Variants in KAZN observed in about 807,000 individuals in gnomAD.
KAZN encodes kazrin, periplakin interacting protein.
A neutral mutation model predicts 87.4 loss-of-function variants in KAZN; 40 were observed. The ratio of observed to expected loss-of-function variants is 0.46; its 90% confidence interval spans 0.36 to 0.60. The LOEUF (loss-of-function observed/expected upper bound fraction) is 0.60. Ranked by LOEUF, KAZN falls within the 20% of genes least tolerant of loss-of-function variation. KAZN has a pLI of 0.00. For missense variants in KAZN, 898 were observed against 1,073.9 expected (o/e 0.84, Z 2.29); for synonymous variants, 466 against 458.3 (o/e 1.02, Z -0.22).
chr1:14,473,809 A>T (rs2486773), intron 2 of KAZN, among the ~76,000 whole-genome samples: 1 of 152,090 alleles, frequency 6.6e-6, no homozygotes, highest in Non-Finnish European at 1.5e-5. Context: ...TGTGTCTACC[A>T]CAGGGCCTTT....
intron 1 of KAZN, among the ~76,000 whole-genome samples, chr1:13,923,325 G>A (rs936991608): frequency 6.6e-6 from 1 of 152,088 alleles, no homozygotes. Context: ...TGTAATCCCA[G>A]CACTTTGGGA....
chr1:14,707,554 C>T (rs1297123997), intron 1 of KAZN, among the ~76,000 whole-genome samples: 1 of 152,148 alleles, frequency 6.6e-6, no homozygotes, highest in Non-Finnish European at 1.5e-5. Flanking sequence ...TCTTTATTTC[C>T]TTTCATTTCC....
At chr1:14,001,536 A>G (rs12129911) in intron 1 of KAZN, among the ~76,000 whole-genome samples, 22,046 of 152,086 alleles carry the variant, frequency 0.14, 1,686 homozygotes, top group Middle Eastern at 0.22. Context: ...AGAAGACCCC[A>G]TATAGCCAAG....
chr1:15,068,608 TAGAG>T (rs1374304349), intron 8 of KAZN, among the ~76,000 whole-genome samples: 2 of 151,510 alleles, frequency 1.3e-5, no homozygotes, highest in African/African-American at 2.4e-5. Flanking sequence ...TTCAGGGAGA[TAGAG>T]AGGGAGCCAC....
At chr1:13,983,215 G>T (rs12121969) in intron 1 of KAZN, among the ~76,000 whole-genome samples, 20,930 of 152,274 alleles carry the variant, frequency 0.14, 1,573 homozygotes, top group Middle Eastern at 0.2. Context: ...GGAGCAAGGG[G>T]TGGCGCTCGT....
Position 14,396,183 on chromosome 1 carries a change from A to G in KAZN, c.250-202800A>G, listed in dbSNP as rs546317454. On this transcript the variant is annotated intron_variant, in intron 2 of 16. Transcript: ENST00000636203. ...GACTCCGTCTCAAAAAAAAAAAAAAAACTGCAACAAATAAAGCAAAACAAG... is the reference window on the plus strand; with the variant it reads ...GACTCCGTCTCAAAAAAAAAAAAAAGACTGCAACAAATAAAGCAAAACAAG... 1.6e-3 allele frequency among the ~76,000 whole-genome samples: 247 copies of G among 151,738 alleles called. 3 individuals carry two copies. Among genetic ancestry groups the G allele is most frequent in the African/African-American group, 5.8e-3 (239 of 41,350 alleles).
intron 1 of KAZN, among the ~76,000 whole-genome samples, chr1:13,935,900 G>GTGTGTA (rs60444554): frequency 0.09 from 12,785 of 141,382 alleles, 1,412 homozygotes; most frequent in Admixed American, 0.23. Context: ...GTGTGTGTGT[G>GTGTGTA]TAGAATCAGA....
At chr1:15,087,399 C>CCTTTTT (rs398102463) in intron 8 of KAZN, among the ~76,000 whole-genome samples, 2 of 108,386 alleles carry the variant, frequency 1.8e-5, no homozygotes, top group Non-Finnish European at 2.2e-5. Flanking sequence ...GCACTTTTTT[C>CCTTTTT]TTTTTTTTTT....
intron 2 of KAZN, among the ~76,000 whole-genome samples, chr1:14,308,313 G>A (rs1283970595): frequency 6.6e-6 from 1 of 152,102 alleles, no homozygotes; most frequent in African/African-American, 2.4e-5. Flanking sequence ...TAACTATTGA[G>A]ATTATATAGG....
chr1:14,977,289 G>A (rs186211320), intron 2 of KAZN, among the ~76,000 whole-genome samples: 8 of 152,328 alleles, frequency 5.3e-5, no homozygotes, highest in Admixed American at 1.3e-4. Flanking sequence ...AAAGAGGGAC[G>A]TAGTAGGGAC....
intron 1 of KAZN, among the ~76,000 whole-genome samples, chr1:14,103,433 G>C (rs1354393366): frequency 6.6e-6 from 1 of 152,208 alleles, no homozygotes; most frequent in African/African-American, 2.4e-5. Context: ...AAGTTTAGCA[G>C]CTTAAATAAC....
intron 2 of KAZN, among the ~76,000 whole-genome samples, chr1:14,982,756 C>A (rs1666389652): frequency 6.6e-6 from 1 of 152,178 alleles, no homozygotes; most frequent in South Asian, 2.1e-4. Context: ...GATCCAGGCC[C>A]CTGTGTCAGC....
At chr1:15,103,122 C>T (rs1482356995) in intron 11 of KAZN, among the ~76,000 whole-genome samples, 3 of 152,224 alleles carry the variant, frequency 2.0e-5, no homozygotes, top group African/African-American at 7.2e-5. Flanking sequence ...AAGAAAGCAG[C>T]CCGGTGTGGT....
rs568790028 is a variant in KAZN, at chr1:14,776,203, C to T, written c.226+176980C>T. ...ATTTTTAGTAGAGACAGGGTTTCAC[C>T]GTGTTGGCCAGGCTAGTCTTGAACT... On this transcript the variant is annotated intron_variant, in intron 1 of 14. Coordinates refer to ENST00000376030, the MANE Select transcript of KAZN (RefSeq NM_201628.3). Among the ~76,000 whole-genome samples the T allele has an allele frequency of 2.0e-3, 310 of 152,244 alleles. 2 individuals carry two copies. The highest frequency in any genetic ancestry group is 7.2e-3 in the African/African-American group (298 of 41,556).
At chr1:14,365,920 G>A (rs1023881255) in intron 2 of KAZN, among the ~76,000 whole-genome samples, 11 of 152,074 alleles carry the variant, frequency 7.2e-5, no homozygotes, top group Admixed American at 1.3e-4. Context: ...TCAAAATTTC[G>A]CCTTGCCCAG....
chr1:14,413,098 TTACA>T (rs1056260205), intron 2 of KAZN, among the ~76,000 whole-genome samples: 1 of 150,066 alleles, frequency 6.7e-6, no homozygotes, highest in African/African-American at 2.4e-5. Context: ...ATATAATATA[TTACA>T]TATATATGAA....
chr1:14,843,147 G>A (rs994680677), intron 1 of KAZN, among the ~76,000 whole-genome samples: 2 of 152,162 alleles, frequency 1.3e-5, no homozygotes, highest in Admixed American at 6.5e-5. Flanking sequence ...GTAGAGCCAG[G>A]AAGTATACTA....
rs755549757 is a variant in KAZN, at chr1:14,505,555, A to G, written c.250-93428A>G. Among the ~76,000 whole-genome samples, 111 of 152,288 alleles carry G rather than the reference A, an allele frequency of 7.3e-4. 1 individual carries two copies. Among genetic ancestry groups the G allele is most frequent in the Admixed American group, 1.8e-3 (28 of 15,302 alleles). On this transcript the variant is annotated intron_variant, in intron 2 of 16. Transcript: ENST00000636203. ...TACTCCATGATTCCACTTATCTGAG[A>G]TCAAATAAATTTGATTACTCTAGAG...
At chr1:14,347,217 T>C (rs1658169329) in intron 2 of KAZN, among the ~76,000 whole-genome samples, 1 of 152,240 alleles carries the variant, frequency 6.6e-6, no homozygotes, top group African/African-American at 2.4e-5. Context: ...GGCTATCACG[T>C]AGATTGTTCT....
Sources: allele counts gnomAD v4.1 joint callset (sites outside exome capture counted in the v4.1 genomes callset), GRCh38; gene constraint gnomAD v4.1.1; transcripts MANE v1.5; gene names NCBI Gene and HGNC (gene_info 2026-07-23, HGNC 2026-07-21).